Variants in ADCY2 observed in about 807,000 individuals in gnomAD.
The protein encoded by ADCY2 is adenylate cyclase 2, also known as adenylate cyclase type 2.
ADCY2 carries 31 observed loss-of-function variants against 125.2 expected under a neutral mutation model. That is an observed-to-expected ratio of 0.25 (90% CI 0.19 to 0.33). The LOEUF (loss-of-function observed/expected upper bound fraction) is 0.33, where lower values mean the gene tolerates loss of function less well. Ranked by LOEUF, ADCY2 falls within the 10% of genes least tolerant of loss-of-function variation. The pLI is 1.00. For synonymous variants in ADCY2, 512 were observed against 548.4 expected (o/e 0.93, Z 0.93); for missense variants, 904 against 1,418.2 (o/e 0.64, Z 5.82).
At chr5:7,546,384 T>A (rs953116210) in intron 3 of ADCY2, among the ~76,000 whole-genome samples, 2 of 152,208 alleles carry the variant, frequency 1.3e-5, no homozygotes, top group East Asian at 3.9e-4. Flanking sequence ...TTTGACACGT[T>A]CTGTTCTGTT....
chr5:7,699,348 C>T lies in ADCY2; in HGVS notation c.1109+974C>T, dbSNP rs78832359. Reference sequence around the variant, plus strand: ...TCCTGATCTCGTGATCCGCCCGCCTCGGCCTCCCAAAGTGCTGGGATTACA... The same window carrying T: ...TCCTGATCTCGTGATCCGCCCGCCTTGGCCTCCCAAAGTGCTGGGATTACA... On this transcript the variant is annotated intron_variant, in intron 7 of 24. Coordinates refer to ENST00000338316, the MANE Select transcript of ADCY2 (RefSeq NM_020546.3). Among the ~76,000 whole-genome samples, 53 of 151,802 alleles carry T rather than the reference C, an allele frequency of 3.5e-4. 1 individual carries two copies. In the East Asian group the frequency reaches 9.2e-3, roughly 26 times the overall value.
At chr5:7,728,591 T>C (rs1289081711) in intron 14 of ADCY2, among the ~76,000 whole-genome samples, 3 of 152,194 alleles carry the variant, frequency 2.0e-5, no homozygotes, top group Non-Finnish European at 4.4e-5. Flanking sequence ...GCCTGTACCA[T>C]GGTACTGGAG....
chr5:7,700,612 T>C (rs987435577), intron 7 of ADCY2, among the ~76,000 whole-genome samples: 31 of 152,092 alleles, frequency 2.0e-4, no homozygotes, highest in African/African-American at 7.5e-4. Flanking sequence ...CAAGTCCTGT[T>C]GTCACTGTGT....
chr5:7,453,476 GT>G (rs1741549112), intron 2 of ADCY2, among the ~76,000 whole-genome samples: 1 of 152,160 alleles, frequency 6.6e-6, no homozygotes, highest in South Asian at 2.1e-4. Context: ...GTGAATCCCT[GT>G]GTGTCTGCAG....
rs1254765359 is a variant in ADCY2, at chr5:7,700,027, G to A, written c.1109+1653G>A. Among the ~76,000 whole-genome samples, 4 of 152,160 alleles carry A rather than the reference G, an allele frequency of 2.6e-5. No individual in the cohort carries two copies. In the East Asian group the frequency reaches 5.8e-4, roughly 22 times the overall value. Reference sequence around the variant, plus strand: ...TTGATCTTAAGGTAAAAGTGTGCACGTTATCATCTTTCCAATTTCTGACAA... The same window carrying A: ...TTGATCTTAAGGTAAAAGTGTGCACATTATCATCTTTCCAATTTCTGACAA... On this transcript the variant is annotated intron_variant, in intron 7 of 24. Coordinates refer to ENST00000338316, the MANE Select transcript of ADCY2 (RefSeq NM_020546.3).
chr5:7,438,113 A>G (rs978098686), intron 2 of ADCY2, among the ~76,000 whole-genome samples: 9 of 152,176 alleles, frequency 5.9e-5, no homozygotes, highest in African/African-American at 1.4e-4. Context: ...CATTTCTTAC[A>G]TTGTTGTAAA....
In ADCY2 at chr5:7,609,129, A is replaced by C. The variant is rs913826217; in HGVS notation, c.571-17038A>C. Among the ~76,000 whole-genome samples, 4 of 152,214 alleles carry C rather than the reference A, an allele frequency of 2.6e-5. No individual in the cohort carries two copies. In the East Asian group the frequency reaches 7.7e-4, roughly 29 times the overall value. ...TCATGGTTCCAGTTTAACTCTGATA[A>C]GATAAGTTCAGGTCCAAATTCTTCA... On this transcript the variant is annotated intron_variant, in intron 3 of 24. Transcript: ENST00000338316.
At chr5:7,616,206 G>A (rs900165815) in intron 3 of ADCY2, among the ~76,000 whole-genome samples, 10 of 152,162 alleles carry the variant, frequency 6.6e-5, no homozygotes, top group African/African-American at 2.4e-4. Flanking sequence ...TTATAATAAT[G>A]TCAGAAGAAG....
rs574827893 is a variant in ADCY2, at chr5:7,737,948, C to A, written c.1872-5720C>A. On this transcript the variant is annotated intron_variant, in intron 14 of 24. Transcript: ENST00000338316. ...GAATTAAACATTCAACTCAAATATTCCTTTTCAAAGTCGAGATGAAATACA... is the reference window on the plus strand; with the variant it reads ...GAATTAAACATTCAACTCAAATATTACTTTTCAAAGTCGAGATGAAATACA... Among the ~76,000 whole-genome samples, 87 of 152,190 alleles carry A rather than the reference C, an allele frequency of 5.7e-4. 1 individual carries two copies. The highest frequency in any genetic ancestry group is 2.0e-3 in the African/African-American group (82 of 41,530).
intron 3 of ADCY2, among the ~76,000 whole-genome samples, chr5:7,595,491 G>A (rs780824348): frequency 2.6e-5 from 4 of 152,078 alleles, no homozygotes; most frequent in African/African-American, 4.8e-5. Flanking sequence ...AACCTTCAAG[G>A]AACAACCATC....
chr5:7,619,065 A>G (rs1263329347), intron 3 of ADCY2, among the ~76,000 whole-genome samples: 2 of 152,204 alleles, frequency 1.3e-5, no homozygotes, highest in Non-Finnish European at 2.9e-5. Context: ...CAGGTCAAAC[A>G]TCTTTGGAAT....
chr5:7,795,694 G>A (rs371100390), intron 20 of ADCY2: 1 of 152,192 alleles, frequency 6.6e-6, no homozygotes, highest in South Asian at 2.1e-4. Flanking sequence ...ACAAGACTTT[G>A]GCAAAAGCAA....
intron 3 of ADCY2, among the ~76,000 whole-genome samples, chr5:7,597,347 G>A (rs961859479): frequency 6.6e-6 from 1 of 152,178 alleles, no homozygotes; most frequent in African/African-American, 2.4e-5. Context: ...CGCCCAGCTG[G>A]GTCCAGAGGC....
intron 4 of ADCY2, among the ~76,000 whole-genome samples, chr5:7,686,526 A>G (rs1740526142): frequency 6.6e-6 from 1 of 152,256 alleles, no homozygotes; most frequent in African/African-American, 2.4e-5. Flanking sequence ...ACAGATTCTC[A>G]GTAGTTGCAT....
chr5:7,447,289 C>G (rs1009687602), intron 2 of ADCY2, among the ~76,000 whole-genome samples: 5 of 152,216 alleles, frequency 3.3e-5, no homozygotes, highest in Admixed American at 3.3e-4. Flanking sequence ...GACGGCCCTG[C>G]ACACTGAGGT....
chr5:7,601,835 A>T (rs1737216366), intron 3 of ADCY2, among the ~76,000 whole-genome samples: 1 of 152,126 alleles, frequency 6.6e-6, no homozygotes, highest in South Asian at 2.1e-4. Context: ...TTCATTCCCT[A>T]GGGCTGCTGT....
Position 7,711,258 on chromosome 5 carries a change from G to T in ADCY2, c.1579-1598G>T, listed in dbSNP as rs77734913. Among the ~76,000 whole-genome samples the T allele has an allele frequency of 1.2e-4, 19 of 152,276 alleles. No individual in the cohort carries two copies. In the East Asian group the frequency reaches 3.5e-3, roughly 28 times the overall value. The stretch of plus-strand genomic sequence containing the variant: ...GGCAGCTGGGGCCTTCCAGCATTTA[G>T]ATCTGTTAGAGAAACAGCATCCTAG... On this transcript the variant is annotated intron_variant, in intron 10 of 24. Coordinates refer to ENST00000338316, the MANE Select transcript of ADCY2 (RefSeq NM_020546.3).
At chr5:7,459,850 G>C (rs1315797628) in intron 2 of ADCY2, among the ~76,000 whole-genome samples, 1 of 136,398 alleles carries the variant, frequency 7.3e-6, no homozygotes, top group Admixed American at 8.2e-5. Context: ...GCAGTGGCGC[G>C]ATCGCGGCTC....
Position 7,802,980 on chromosome 5 carries a change from G to C in ADCY2, c.2775+616G>C, listed in dbSNP as rs1561016624. Among the ~76,000 whole-genome samples, 1 of 152,172 alleles carries C rather than the reference G, an allele frequency of 6.6e-6. No homozygotes were observed. The highest frequency in any genetic ancestry group is 1.5e-5 in the Non-Finnish European group (1 of 68,026). ...ATTCTTATCACTATCTTGCAAAATA[G>C]AAGAAAATTGACATCTGTCCAGGAG... On this transcript the variant is annotated intron_variant, in intron 21 of 24. Coordinates refer to ENST00000338316, the MANE Select transcript of ADCY2 (RefSeq NM_020546.3). This position sits in a 1 kb window ranked among gnomAD's most constrained non-coding sequence, Gnocchi z 4.6.
Sources: gnomAD v4.1 joint callset for allele counts (sites outside exome capture counted in the v4.1 genomes callset) on GRCh38, gnomAD v4.1.1 for gene constraint, Gnocchi (gnomAD v3.1) non-coding constraint, MANE v1.5 for transcripts, NCBI Gene and HGNC (gene_info 2026-07-23, HGNC 2026-07-21) for gene names.